CADM1: variants seen among roughly 807,000 people sequenced by gnomAD.
The protein encoded by CADM1 is cell adhesion molecule 1, also known as TSLC-1.
CADM1 carries 15 observed loss-of-function variants against 53.1 expected under a neutral mutation model. The ratio of observed to expected loss-of-function variants is 0.28; its 90% CI spans 0.19 to 0.44. The LOEUF (loss-of-function observed/expected upper bound fraction) is 0.44, where lower values mean the gene tolerates loss of function less well. CADM1 is among the 20% of genes least tolerant of loss of function. The pLI, the probability that CADM1 is intolerant of heterozygous loss-of-function variation, is 1.00. For missense variants in CADM1, 434 were observed against 611.3 expected, an observed-to-expected ratio of 0.71 and a Z score of 3.06; for synonymous variants, 281 against 243.0, an observed-to-expected ratio of 1.16 and a Z score of -1.45.
At chr11:115,433,785 CTG>C (rs1379795522) in intron 1 of CADM1, among the ~76,000 whole-genome samples, 6 of 152,330 alleles carry the variant, frequency 3.9e-5, no homozygotes, top group African/African-American at 9.6e-5. Context: ...GAGCATTACA[CTG>C]TGCAAACACG....
intron 1 of CADM1, among the ~76,000 whole-genome samples, chr11:115,309,963 T>G (rs1468532160): frequency 2.6e-5 from 4 of 152,118 alleles, no homozygotes; most frequent in African/African-American, 9.7e-5. Flanking sequence ...CTGTTGTTCT[T>G]TAGTATTTGA....
chr11:115,257,006 T>C (rs1942811337), intron 1 of CADM1: 1 of 410,834 alleles, frequency 2.4e-6, no homozygotes, highest in Middle Eastern at 6.2e-4. Context: ...ATTACGTACT[T>C]CCTGGAAACC....
At chr11:115,431,356 C>T (rs1948044728) in intron 1 of CADM1, among the ~76,000 whole-genome samples, 1 of 152,072 alleles carries the variant, frequency 6.6e-6, no homozygotes. Context: ...ATTCCACCTA[C>T]CTCTCCATGC....
chr11:115,274,379 C>T (rs17118172), intron 1 of CADM1, among the ~76,000 whole-genome samples: 8 of 152,262 alleles, frequency 5.3e-5, no homozygotes, highest in African/African-American at 1.7e-4. Context: ...ATTTCACTAT[C>T]CCCATCAATC....
chr11:115,497,981 A>G (rs1591308053), intron 1 of CADM1, among the ~76,000 whole-genome samples: 1 of 152,100 alleles, frequency 6.6e-6, no homozygotes, highest in Non-Finnish European at 1.5e-5. Flanking sequence ...GCCTCAAAAA[A>G]AAAAAAAAAA....
chr11:115,441,206 A>G (rs1440979571), intron 1 of CADM1, among the ~76,000 whole-genome samples: 2 of 152,060 alleles, frequency 1.3e-5, no homozygotes, highest in East Asian at 3.9e-4. Context: ...AGGCTTAGAA[A>G]TCATATACAT....
intron 1 of CADM1, among the ~76,000 whole-genome samples, chr11:115,491,471 AG>A (rs1162026494): frequency 6.6e-6 from 1 of 152,090 alleles, no homozygotes; most frequent in African/African-American, 2.4e-5. Context: ...AGGCTGAGGC[AG>A]GAGAATGGCA....
At chr11:115,214,159 C>T (rs944090592) in intron 7 of CADM1, among the ~76,000 whole-genome samples, 4 of 152,152 alleles carry the variant, frequency 2.6e-5, no homozygotes, top group Non-Finnish European at 5.9e-5. Context: ...TATTTACTGG[C>T]TTACAACATC....
At chr11:115,227,803 C>T (rs1366511399) in intron 5 of CADM1, among the ~76,000 whole-genome samples, 1 of 152,282 alleles carries the variant, frequency 6.6e-6, no homozygotes, top group South Asian at 2.1e-4. Context: ...TTAGAAGCAA[C>T]TTTTTATAAC....
At chr11:115,467,651 A>G (rs1948923819) in intron 1 of CADM1, among the ~76,000 whole-genome samples, 1 of 152,152 alleles carries the variant, frequency 6.6e-6, no homozygotes, top group African/African-American at 2.4e-5. Context: ...TGGAAAAGAG[A>G]GAAGCCGTAA....
rs1938897941 is a variant in CADM1, at chr11:115,173,984, A to T, written c.*2490T>A. On this transcript the variant is annotated 3_prime_UTR_variant, in exon 12 of 12. Transcript: ENST00000331581. ...TAATACTCAACAATACATTTCAAAC[A>T]GTGCACTGTATACTTAAGAAAAAAT... The T allele has an allele frequency of 1.1e-6, 1 of 952,326 alleles. No homozygotes were observed. Among genetic ancestry groups the T allele is most frequent in the South Asian group, 4.9e-5 (1 of 20,602 alleles). 59.0% of individuals were successfully genotyped at this position (952,326 alleles called of 1,614,324 possible).
chr11:115,180,737 GGAGA>G (rs1939270870), intron 10 of CADM1, among the ~76,000 whole-genome samples: 1 of 152,066 alleles, frequency 6.6e-6, no homozygotes, highest in African/African-American at 2.4e-5. Context: ...TTGACACACT[GGAGA>G]TGTTCAGTCC....
intron 1 of CADM1, among the ~76,000 whole-genome samples, chr11:115,284,114 C>CTCTCTCTCTCTCTCTGTG (rs1351842329): frequency 5.2e-4 from 51 of 98,682 alleles, no homozygotes; most frequent in Non-Finnish European, 7.6e-4. Flanking sequence ...CTCTCTCTCT[C>CTCTCTCTCTCTCTCTGTG]TGTGTGTGTG....
chr11:115,397,678 A>T (rs1202814995), intron 1 of CADM1: 1 of 53,978 alleles, frequency 1.9e-5, no homozygotes, highest in Non-Finnish European at 3.5e-5. Flanking sequence ...TGTATAGCTC[A>T]TTTTTTTATT....
chr11:115,202,889 G>A (rs1336124770), intron 8 of CADM1, among the ~76,000 whole-genome samples: 5 of 150,026 alleles, frequency 3.3e-5, no homozygotes, highest in East Asian at 3.9e-4. Flanking sequence ...ATTTGAACTC[G>A]ATCGAAAACA....
intron 1 of CADM1, among the ~76,000 whole-genome samples, chr11:115,477,456 G>A (rs1949160651): frequency 6.6e-6 from 1 of 152,156 alleles, no homozygotes; most frequent in Admixed American, 6.5e-5. Context: ...AATTAAAAAT[G>A]TAAGCCTGTT....
At chr11:115,329,855 G>A (rs562855919) in intron 1 of CADM1, among the ~76,000 whole-genome samples, 1 of 151,758 alleles carries the variant, frequency 6.6e-6, no homozygotes, top group Admixed American at 6.6e-5. Flanking sequence ...TTCCTCTGGA[G>A]TTTGACCATT....
intron 1 of CADM1, among the ~76,000 whole-genome samples, chr11:115,472,480 C>G (rs1949039351): frequency 6.6e-6 from 1 of 152,180 alleles, no homozygotes; most frequent in African/African-American, 2.4e-5. Flanking sequence ...AGAGAGTGCA[C>G]ATGCACGTGC....
intron 1 of CADM1, among the ~76,000 whole-genome samples, chr11:115,431,049 T>G (rs867921781): frequency 5.5e-4 from 84 of 152,268 alleles, no homozygotes; most frequent in African/African-American, 1.9e-3. Context: ...GAGTTGCAAC[T>G]GAGTACTTTC....
Sources: allele counts gnomAD v4.1 joint callset (sites outside exome capture counted in the v4.1 genomes callset), GRCh38; gene constraint gnomAD v4.1.1; transcripts MANE v1.5; gene names NCBI Gene and HGNC (gene_info 2026-07-23, HGNC 2026-07-21).